DRG2: variants seen among roughly 807,000 people sequenced by gnomAD.
DRG2 encodes developmentally-regulated GTP-binding protein 2.
In DRG2, 36 loss-of-function variants were observed where a neutral mutation model predicts 53.4. The ratio of observed to expected loss-of-function variants is 0.67; its 90% CI spans 0.52 to 0.89. The LOEUF (loss-of-function observed/expected upper bound fraction) is 0.89. Ranked by LOEUF, DRG2 falls within the 40% of genes least tolerant of loss-of-function variation. The probability of loss-of-function intolerance (pLI) is 0.00; values close to 1 mark genes in which losing one functional copy is unlikely to be tolerated. For synonymous variants in DRG2, 167 were observed against 192.1 expected (o/e 0.87, Z 1.08); for missense variants, 342 against 481.2 (o/e 0.71, Z 2.71).
chr17:18,103,804 C>T lies in DRG2; in HGVS notation c.810C>T (p.Cys270=), dbSNP rs573766332. 28 of 1,614,088 alleles carry T rather than the reference C, an allele frequency of 1.7e-5. No individual in the cohort carries two copies. Among genetic ancestry groups the T allele is most frequent in the African/African-American group, 2.7e-5 (2 of 75,050 alleles). ...CTGGCCGCCTCCCTCTTTGCAGCTG[C>T]GGCATGAAGCTGAACCTGGACTATC... The part of the protein sequence containing the change: ...ARKPNSVVIS[C]GMKLNLDYLL... The change falls in exon 10 of 13, where the codon TGC becomes TGT. Residue 270 remains cysteine, a synonymous_variant. Transcript: ENST00000225729. The surrounding 1 kb of genome is among the most constrained non-coding windows in gnomAD (Gnocchi z 4.4).
Position 18,100,667 on chromosome 17 carries a change from T to C in DRG2, c.631+8T>C, listed in dbSNP as rs1191574637. On this transcript the variant is annotated splice_region_variant and intron_variant, in intron 7 of 12. Coordinates refer to ENST00000225729, the MANE Select transcript of DRG2 (RefSeq NM_001388.5). The surrounding 1 kb of genome is among the most constrained non-coding windows in gnomAD (Gnocchi z 4.1). Reference sequence around the variant, plus strand: ...TCATCCTGCACGAATACAGTATCCTTCCCTGAAAGACACGTGAAGGAGGGC... The same window carrying C: ...TCATCCTGCACGAATACAGTATCCTCCCCTGAAAGACACGTGAAGGAGGGC... 3 of 1,612,522 alleles carry C rather than the reference T, an allele frequency of 1.9e-6. No homozygotes were observed.
chr17:18,101,280 ACT>A (rs752869654), intron 7 of DRG2, among the ~76,000 whole-genome samples: 2 of 151,792 alleles, frequency 1.3e-5, no homozygotes, highest in Non-Finnish European at 2.9e-5. Context: ...CAAGATTAAA[ACT>A]CTGTGTTGAT....
intron 12 of DRG2, 53 bp from the exon 13 acceptor site, chr17:18,107,101 G>A (rs950159393): frequency 1.3e-5 from 20 of 1,557,384 alleles, no homozygotes; most frequent in Admixed American, 1.7e-5. Context: ...TATCTTCCTT[G>A]ACCTTGGCCA....
chr17:18,101,294 G>A (rs1425107549), intron 7 of DRG2, among the ~76,000 whole-genome samples, 199 bp from the exon 8 acceptor site: 5 of 152,328 alleles, frequency 3.3e-5, no homozygotes, highest in African/African-American at 1.2e-4. Context: ...TGTGTTGATT[G>A]AAACTTTTAT....
In DRG2 at chr17:18,098,008, T is replaced by G; in HGVS notation, c.226-262T>G. On this transcript the variant is annotated intron_variant, in intron 2 of 12. Coordinates refer to ENST00000225729, the MANE Select transcript of DRG2 (RefSeq NM_001388.5). This position sits in a 1 kb window ranked among gnomAD's most constrained non-coding sequence, Gnocchi z 4.1. The stretch of plus-strand genomic sequence containing the variant: ...CTCCTGATGTATATGGGGAACCCCA[T>G]CAGAATCCAGATCCCTGCCTCTACC... 3.2e-6 allele frequency: 1 copy of G among 317,396 alleles called. No individual in the cohort carries two copies. The highest frequency in any genetic ancestry group is 6.0e-6 in the Non-Finnish European group (1 of 167,306). The allele number at this position is 317,396 out of a possible 1,614,324, so 19.7% of individuals were successfully genotyped here.
At chr17:18,104,870 C>T (rs2045600590) in intron 11 of DRG2, among the ~76,000 whole-genome samples, 189 bp downstream of exon 11, 1 of 152,196 alleles carries the variant, frequency 6.6e-6, no homozygotes, top group African/African-American at 2.4e-5. Flanking sequence ...TGTGCCGAGG[C>T]TCTGACCTCT....
At position 18,100,615 on chromosome 17, in the gene DRG2, C is replaced by T. The variant is rs148333485; in HGVS notation, c.587C>T (p.Thr196Ile). The T allele has an allele frequency of 1.2e-6, 2 of 1,614,176 alleles. No homozygotes were observed. The highest frequency in any genetic ancestry group is 2.2e-5 in the East Asian group (1 of 44,876). Residue 196 changes from threonine (T) to isoleucine (I), a missense_variant, in exon 7 of 13, where the codon ACC becomes ATC. Coordinates refer to ENST00000225729, the MANE Select transcript of DRG2 (RefSeq NM_001388.5). The surrounding 1 kb of genome is among the most constrained non-coding windows in gnomAD (Gnocchi z 4.1). ...GISFNSTVTL[T>I]QCSEKLVQLI... The stretch of plus-strand genomic sequence containing the variant: ...TCCTTTAACTCGACAGTCACGCTGA[C>T]CCAGTGCTCGGAAAAGCTGGTGCAG...
At position 18,101,936 on chromosome 17, in the gene DRG2, G is replaced by A. The variant is rs764475222; in HGVS notation, c.745G>A (p.Asp249Asn). The change falls in exon 9 of 13, where the codon GAC becomes AAC. Residue 249 changes from aspartate (D) to asparagine (N), a missense_variant. Physicochemically the swap from Asp to Asn is conservative, Grantham distance 23 (BLOSUM62 1). Coordinates refer to ENST00000225729, the MANE Select transcript of DRG2 (RefSeq NM_001388.5). ...MPCLYVYNKI[D>N]QISMEEVDRL... Reference sequence around the variant, plus strand: ...TCAATCTCAGGTTTATAACAAAATCGACCAGATCTCCATGGAAGAGGTGGA... The same window carrying A: ...TCAATCTCAGGTTTATAACAAAATCAACCAGATCTCCATGGAAGAGGTGGA... 17 of 1,612,384 alleles carry A rather than the reference G, an allele frequency of 1.1e-5. No homozygotes were observed. Among genetic ancestry groups the A allele is most frequent in the East Asian group, 2.2e-5 (1 of 44,852 alleles).
Position 18,099,412 on chromosome 17 carries a change from C to A in DRG2, c.377-221C>A. ...ATGGTAGGGGTGGGCGTAGGACAGC[C>A]GTTATTATCCTGTTACTCCTTTTAT... On this transcript the variant is annotated intron_variant, in intron 4 of 12. Coordinates refer to ENST00000225729, the MANE Select transcript of DRG2 (RefSeq NM_001388.5). This position sits in a 1 kb window ranked among gnomAD's most constrained non-coding sequence, Gnocchi z 4.4. 4.8e-6 allele frequency: 3 copies of A among 631,502 alleles called. No individual in the cohort carries two copies. Among genetic ancestry groups the A allele is most frequent in the Non-Finnish European group, 8.4e-6 (3 of 355,046 alleles). 39.1% of individuals were successfully genotyped at this position (631,502 alleles called of 1,614,324 possible).
chr17:18,102,249 G>C (rs2045550898), intron 9 of DRG2, among the ~76,000 whole-genome samples: 2 of 152,228 alleles, frequency 1.3e-5, no homozygotes, highest in Admixed American at 1.3e-4. Flanking sequence ...GAATTGCCGT[G>C]GGCAGGGTGG....
intron 1 of DRG2, among the ~76,000 whole-genome samples, chr17:18,090,399 TATATA>T (rs2045308709): frequency 2.5e-4 from 4 of 15,864 alleles, no homozygotes; most frequent in African/African-American, 1.7e-3. Flanking sequence ...TATATATATA[TATATA>T]TATTTTTTTT....
chr17:18,099,900 G>A lies in DRG2; in HGVS notation c.467+177G>A. ...CTATGGCGTCTTCTCCTCAAGGCTT[G>A]TGTCCAGCCAGCACAGAGGTATCTT... is the stretch of plus-strand genomic sequence containing the variant. On this transcript the variant is annotated intron_variant, in intron 5 of 12. Transcript: ENST00000225729. This position sits in a 1 kb window ranked among gnomAD's most constrained non-coding sequence, Gnocchi z 4.4. 1.5e-6 allele frequency: 1 copy of A among 665,532 alleles called. No homozygotes were observed. Among genetic ancestry groups the A allele is most frequent in the Non-Finnish European group, 2.6e-6 (1 of 384,456 alleles). 41.2% of individuals were successfully genotyped at this position (665,532 alleles called of 1,614,324 possible).
In DRG2 at chr17:18,099,818, C is replaced by T; in HGVS notation, c.467+95C>T. 1 of 1,273,682 alleles carries T rather than the reference C, an allele frequency of 7.9e-7. No homozygotes were observed. Among genetic ancestry groups the T allele is most frequent in the Non-Finnish European group, 1.1e-6 (1 of 904,252 alleles). 78.9% of individuals were successfully genotyped at this position (1,273,682 alleles called of 1,614,324 possible). ...AGGCGGCCTGTGGGTGTTTGGCTCT[C>T]TCACACGTGAGAGTAGTGGTAGGAC... On this transcript the variant is annotated intron_variant, in intron 5 of 12. Transcript: ENST00000225729. This position sits in a 1 kb window ranked among gnomAD's most constrained non-coding sequence, Gnocchi z 4.4.
At chr17:18,097,139 GC>G (rs775024463) in intron 2 of DRG2, 2 of 152,174 alleles carry the variant, frequency 1.3e-5, no homozygotes, top group Non-Finnish European at 2.9e-5. Context: ...TCAGGGAGTG[GC>G]CCCGAGGTTG....
rs928547121 is a variant in DRG2, at chr17:18,100,785, C to T, written c.631+126C>T. ...AGGTCACCCCCACTGCCCCTGCTGTCCATTCAAGTAGCCTCTGGGCAAGCT... is the reference window on the plus strand; with the variant it reads ...AGGTCACCCCCACTGCCCCTGCTGTTCATTCAAGTAGCCTCTGGGCAAGCT... On this transcript the variant is annotated intron_variant, in intron 7 of 12. Coordinates refer to ENST00000225729, the MANE Select transcript of DRG2 (RefSeq NM_001388.5). This position sits in a 1 kb window ranked among gnomAD's most constrained non-coding sequence, Gnocchi z 4.1. 2.2e-6 allele frequency: 2 copies of T among 903,638 alleles called. No homozygotes were observed. Among genetic ancestry groups the T allele is most frequent in the Non-Finnish European group, 3.5e-6 (2 of 579,060 alleles). 56.0% of individuals were successfully genotyped at this position (903,638 alleles called of 1,614,324 possible).
At position 18,103,384 on chromosome 17, in the gene DRG2, T is replaced by G. The variant is rs943493130; in HGVS notation, c.807-417T>G. 1.3e-5 allele frequency among the ~76,000 whole-genome samples: 2 copies of G among 152,150 alleles called. No individual in the cohort carries two copies. Among genetic ancestry groups the G allele is most frequent in the African/African-American group, 2.4e-5 (1 of 41,432 alleles). ...GGCTCTGGTGTCTCCAGAGCCTTGG[T>G]TCTCCCCTCTTCTTGCTGAAATCCC... On this transcript the variant is annotated intron_variant, in intron 9 of 12. Transcript: ENST00000225729. The surrounding 1 kb of genome is among the most constrained non-coding windows in gnomAD (Gnocchi z 4.4).
rs907068513 is a variant in DRG2 at position 18,100,257 on chromosome 17, G to A, written c.468-106G>A. 2 of 1,164,696 alleles carry A rather than the reference G, an allele frequency of 1.7e-6. No homozygotes were observed. Among genetic ancestry groups the A allele is most frequent in the African/African-American group, 1.5e-5 (1 of 66,188 alleles). 72.1% of individuals were successfully genotyped at this position (1,164,696 alleles called of 1,614,324 possible). On this transcript the variant is annotated intron_variant, in intron 5 of 12. Transcript: ENST00000225729. The surrounding 1 kb of genome is among the most constrained non-coding windows in gnomAD (Gnocchi z 4.1). ...CTGGGTTGCTGGGGAAGGGGGTGGA[G>A]GAGAGAGTCAGTCTCTGGGTGGGCA...
intron 1 of DRG2, among the ~76,000 whole-genome samples, chr17:18,091,567 CA>C (rs1482225490): frequency 6.6e-6 from 1 of 150,394 alleles, no homozygotes. Flanking sequence ...ACCGGGGTGA[CA>C]CCAGTGAGAC....
chr17:18,093,978 G>A lies in DRG2; in HGVS notation c.225+5G>A. On this transcript the variant is annotated splice_donor_5th_base_variant and intron_variant, in intron 2 of 12. Transcript: ENST00000225729. The stretch of plus-strand genomic sequence containing the variant: ...GGATTTCCCTCTGTGGGTAAGGTCA[G>A]TGATGGTCAGTGTGGGCCTCGGGGA... The A allele has an allele frequency of 6.2e-7, 1 of 1,612,860 alleles. No individual in the cohort carries two copies. The highest frequency in any genetic ancestry group is 8.5e-7 in the Non-Finnish European group (1 of 1,179,034).
Sources: allele counts gnomAD v4.1 joint callset (sites outside exome capture counted in the v4.1 genomes callset), GRCh38; gene constraint gnomAD v4.1.1; non-coding constraint Gnocchi (gnomAD v3.1); transcripts MANE v1.5; gene names NCBI Gene and HGNC (gene_info 2026-07-23, HGNC 2026-07-21).